Variants in MBOAT2 observed in about 807,000 individuals in gnomAD.
The protein encoded by MBOAT2 is membrane-bound glycerophospholipid O-acyltransferase 2.
In MBOAT2, 28 loss-of-function variants were observed where a neutral mutation model predicts 63.4. The ratio of observed to expected loss-of-function variants is 0.44; its 90% CI spans 0.33 to 0.61. The LOEUF (loss-of-function observed/expected upper bound fraction) is 0.61, where lower values mean the gene tolerates loss of function less well. MBOAT2 is among the 20% of genes least tolerant of loss of function. The pLI is 0.03. For synonymous variants in MBOAT2, 211 were observed against 215.6 expected, an observed-to-expected ratio of 0.98 and a Z score of 0.19; for missense variants, 470 against 605.8, an observed-to-expected ratio of 0.78 and a Z score of 2.35.
At chr2:8,869,947 A>T (rs113229622) in intron 8 of MBOAT2, among the ~76,000 whole-genome samples, 1,966 of 152,278 alleles carry the variant, frequency 0.013, 21 homozygotes, top group Middle Eastern at 0.037. Context: ...GGCCCAGGGT[A>T]TGGTCAACAG....
intron 5 of MBOAT2, among the ~76,000 whole-genome samples, chr2:8,885,934 G>A (rs11890506): frequency 6.6e-6 from 1 of 152,210 alleles, no homozygotes; most frequent in Non-Finnish European, 1.5e-5. Context: ...GCTATCCTTA[G>A]AAAGGCCTGC....
At chr2:8,967,830 C>T (rs563709139) in intron 1 of MBOAT2, among the ~76,000 whole-genome samples, 2 of 152,060 alleles carry the variant, frequency 1.3e-5, no homozygotes, top group South Asian at 4.2e-4. Flanking sequence ...AAATTAGATA[C>T]AACTTCATCA....
At position 8,877,162 on chromosome 2, in the gene MBOAT2, C is replaced by A. The variant is rs1451225433; in HGVS notation, c.558G>T (p.Gly186=). ...AAGAGCAAAGTGGGCCTGCCAGGATCCCCATGAAGTTACAGTTGTAACTCA... is the reference window on the plus strand; with the variant it reads ...AAGAGCAAAGTGGGCCTGCCAGGATACCCATGAAGTTACAGTTGTAACTCA... The part of the protein sequence containing the change: ...EYLSYNCNFM[G]ILAGPLCSYK... The change falls in exon 7 of 13, where the codon GGG becomes GGT. Residue 186 remains glycine (G), a synonymous_variant. Coordinates refer to ENST00000305997, the MANE Select transcript of MBOAT2 (RefSeq NM_138799.4). 6.2e-7 allele frequency: 1 copy of A among 1,613,940 alleles called. No individual in the cohort carries two copies. The highest frequency in any genetic ancestry group is 8.5e-7 in the Non-Finnish European group (1 of 1,179,942).
At chr2:8,975,663 GCGTAAGGACA>G (rs1670761776) in intron 1 of MBOAT2, among the ~76,000 whole-genome samples, 1 of 152,116 alleles carries the variant, frequency 6.6e-6, no homozygotes, top group African/African-American at 2.4e-5. Flanking sequence ...AATACATGAA[GCGTAAGGACA>G]CATTCTATCA....
rs368435047 is a variant in MBOAT2, at chr2:8,882,457, G to A, written c.506+54C>T. ...CAGCCTCAGCCACAGAAGGAACGTG[G>A]GTCCTAGGCAGGGGCGCAGGAAGCA... is the stretch of plus-strand genomic sequence containing the variant. On this transcript the variant is annotated intron_variant, in intron 6 of 12. Transcript: ENST00000305997. The A allele has an allele frequency of 5.1e-6, 8 of 1,556,380 alleles. No individual in the cohort carries two copies. The Admixed American group carries it at 1.2e-4, about 23-fold the overall frequency.
intron 9 of MBOAT2, among the ~76,000 whole-genome samples, chr2:8,866,207 C>T (rs952018234): frequency 2.4e-4 from 36 of 152,064 alleles, no homozygotes; most frequent in African/African-American, 8.4e-4. Flanking sequence ...GGGGTGATAT[C>T]GCCCCCAGGA....
chr2:8,932,878 C>A (rs761291739), intron 3 of MBOAT2, among the ~76,000 whole-genome samples: 1 of 152,282 alleles, frequency 6.6e-6, no homozygotes, highest in East Asian at 1.9e-4. Context: ...GACTACAGAA[C>A]GTGCACATGT....
Position 8,862,948 on chromosome 2 carries a change from G to GTA in MBOAT2, c.1053-228_1053-227dup, listed in dbSNP as rs1261101645. Among the ~76,000 whole-genome samples the GTA allele has an allele frequency of 1.3e-5, 2 of 150,820 alleles. No individual in the cohort carries two copies. Among genetic ancestry groups the GTA allele is most frequent in the African/African-American group, 2.4e-5 (1 of 41,220 alleles). On this transcript the variant is annotated intron_variant, in intron 10 of 12. Transcript: ENST00000305997. This position sits in a 1 kb window ranked among gnomAD's most constrained non-coding sequence, Gnocchi z 4.3. ...TCTCATCTTCTTATTGGTATATATA[G>GTA]TATATATATTGGTATATATAGTAAC...
At chr2:8,995,864 T>TACAG (rs1672262223) in intron 1 of MBOAT2, among the ~76,000 whole-genome samples, 1 of 152,194 alleles carries the variant, frequency 6.6e-6, no homozygotes, top group Non-Finnish European at 1.5e-5. Flanking sequence ...GTGCTGGGAT[T>TACAG]ACAGGCGTGA....
chr2:8,952,969 T>C (rs563698080), intron 2 of MBOAT2, among the ~76,000 whole-genome samples: 10 of 152,328 alleles, frequency 6.6e-5, no homozygotes, highest in African/African-American at 2.2e-4. Flanking sequence ...GTCATTTATA[T>C]TCAAAGTTAA....
intron 1 of MBOAT2, among the ~76,000 whole-genome samples, chr2:8,964,148 C>G (rs1211829423): frequency 6.6e-6 from 1 of 152,226 alleles, no homozygotes; most frequent in East Asian, 1.9e-4. Context: ...CAAACCCCTC[C>G]TCTGGCCCTA....
intron 1 of MBOAT2, among the ~76,000 whole-genome samples, chr2:8,986,092 G>C (rs1034463591): frequency 6.6e-6 from 1 of 151,540 alleles, no homozygotes; most frequent in Non-Finnish European, 1.5e-5. Context: ...TCATCTTTGT[G>C]GTCTTCCTCT....
chr2:8,872,824 G>T (rs74827786), intron 8 of MBOAT2, among the ~76,000 whole-genome samples: 1 of 152,052 alleles, frequency 6.6e-6, no homozygotes, highest in African/African-American at 2.4e-5. Context: ...ATACATACTC[G>T]TATCTATCCT....
intron 3 of MBOAT2, among the ~76,000 whole-genome samples, chr2:8,938,814 G>A (rs1667851583): frequency 6.6e-6 from 1 of 152,112 alleles, no homozygotes; most frequent in Non-Finnish European, 1.5e-5. Flanking sequence ...CCACGCCTCT[G>A]CCTGTGCTGT....
At chr2:8,937,892 C>CA (rs1192366992) in intron 3 of MBOAT2, among the ~76,000 whole-genome samples, 1 of 152,136 alleles carries the variant, frequency 6.6e-6, no homozygotes, top group Non-Finnish European at 1.5e-5. Flanking sequence ...TCCTATCACT[C>CA]ACACTCGCCA....
chr2:8,981,890 C>G (rs1671217893), intron 1 of MBOAT2, among the ~76,000 whole-genome samples: 1 of 152,032 alleles, frequency 6.6e-6, no homozygotes, highest in South Asian at 2.1e-4. Flanking sequence ...AAATCCCAGG[C>G]CTTTTTTATT....
intron 5 of MBOAT2, among the ~76,000 whole-genome samples, chr2:8,884,336 G>A (rs962358447): frequency 6.7e-6 from 1 of 150,196 alleles, no homozygotes; most frequent in Non-Finnish European, 1.5e-5. Flanking sequence ...TTATAATCAG[G>A]AGGAAAAAAA....
intron 3 of MBOAT2, among the ~76,000 whole-genome samples, chr2:8,924,216 T>C (rs751993791): frequency 2.0e-5 from 3 of 152,192 alleles, no homozygotes; most frequent in Non-Finnish European, 4.4e-5. Context: ...CCACTCACTT[T>C]AGAACACTTG....
intron 1 of MBOAT2, among the ~76,000 whole-genome samples, chr2:8,992,278 C>T (rs1671964138): frequency 6.6e-6 from 1 of 152,174 alleles, no homozygotes; most frequent in Admixed American, 6.5e-5. Flanking sequence ...CTGTAACAGC[C>T]AGCACCTCTC....
Sources: gnomAD v4.1 joint callset for allele counts (sites outside exome capture counted in the v4.1 genomes callset) on GRCh38, gnomAD v4.1.1 for gene constraint, Gnocchi (gnomAD v3.1) non-coding constraint, MANE v1.5 for transcripts, NCBI Gene and HGNC (gene_info 2026-07-23, HGNC 2026-07-21) for gene names.